The following HELZ variants were observed in gnomAD, a reference collection of about 807,000 sequenced individuals.
The protein encoded by HELZ is helicase with zinc finger.
HELZ carries 23 observed loss-of-function variants against 218.2 expected under a neutral mutation model. That is an observed-to-expected ratio of 0.11 (90% CI 0.08 to 0.15). The LOEUF (loss-of-function observed/expected upper bound fraction) is 0.15, where lower values mean the gene tolerates loss of function less well. Among genes scored for constraint, HELZ ranks in the 10% least tolerant of loss-of-function variants. HELZ has a pLI of 1.00. For missense variants in HELZ, 1,813 were observed against 2,353.7 expected, an observed-to-expected ratio of 0.77 and a Z score of 4.75; for synonymous variants, 814 against 829.4, an observed-to-expected ratio of 0.98 and a Z score of 0.32.
chr17:67,234,905 C>T (rs2041137123), intron 3 of HELZ, among the ~76,000 whole-genome samples: 2 of 152,082 alleles, frequency 1.3e-5, no homozygotes, highest in African/African-American at 4.8e-5. Context: ...TAAATGCCAC[C>T]TCTTCAGTGG....
At chr17:67,171,368 T>C (rs72838424) in intron 13 of HELZ, among the ~76,000 whole-genome samples, 21,996 of 152,094 alleles carry the variant, frequency 0.14, 1,791 homozygotes, top group East Asian at 0.19. Flanking sequence ...AATCTTCCCA[T>C]GTATTAACAA....
At chr17:67,236,118 C>G (rs1335760488) in intron 3 of HELZ, among the ~76,000 whole-genome samples, 1 of 152,146 alleles carries the variant, frequency 6.6e-6, no homozygotes, top group Non-Finnish European at 1.5e-5. Flanking sequence ...CCTTACCATT[C>G]AAAGCCTACA....
intron 3 of HELZ, among the ~76,000 whole-genome samples, chr17:67,222,591 G>A (rs114631009): frequency 6.6e-5 from 10 of 152,250 alleles, no homozygotes; most frequent in Non-Finnish European, 1.2e-4. Flanking sequence ...AATCACAGTA[G>A]GGTCACTTAG....
chr17:67,244,901 C>T (rs917101325), intron 1 of HELZ: 13 of 985,834 alleles, frequency 1.3e-5, no homozygotes, highest in Non-Finnish European at 1.6e-5. Flanking sequence ...CAGGACGCTG[C>T]GGGCCCCAGC....
rs57513241 is a variant in HELZ, at chr17:67,125,286, C to CTATA, written c.3388-1276_3388-1273dup. Among the ~76,000 whole-genome samples, 24 of 70,134 alleles carry CTATA rather than the reference C, an allele frequency of 3.4e-4. 2 individuals are homozygous for CTATA. The highest frequency in any genetic ancestry group is 4.7e-4 in the African/African-American group (6 of 12,792). 46.0% of individuals were successfully genotyped at this position (70,134 alleles called of 152,430 possible). A position where few individuals can be genotyped will look rare whatever the true frequency, so the allele number is the denominator to read the frequency against. The stretch of plus-strand genomic sequence containing the variant: ...GCATGTTCACAGTGATTGGCACCAA[C>CTATA]TATATATATATATATATATATATAT... On this transcript the variant is annotated intron_variant, in intron 24 of 32. Coordinates refer to ENST00000358691, the MANE Select transcript of HELZ (RefSeq NM_014877.4).
chr17:67,097,899 G>A (rs908313116), intron 31 of HELZ, among the ~76,000 whole-genome samples: 2 of 152,142 alleles, frequency 1.3e-5, no homozygotes, highest in African/African-American at 4.8e-5. Flanking sequence ...GCTGGAGAAT[G>A]TGTTTTATTC....
chr17:67,236,011 T>C (rs1021797497), intron 3 of HELZ, among the ~76,000 whole-genome samples: 23 of 152,194 alleles, frequency 1.5e-4, no homozygotes, highest in Non-Finnish European at 2.4e-4. Flanking sequence ...CCGCCCGCCT[T>C]GGCCTCCCAA....
At chr17:67,118,052 T>C (rs961060348) in intron 27 of HELZ, among the ~76,000 whole-genome samples, 2 of 152,038 alleles carry the variant, frequency 1.3e-5, no homozygotes, top group Admixed American at 6.6e-5. Flanking sequence ...CTAAAATACA[T>C]AGAAATGCAA....
At chr17:67,196,198 C>T (rs1464176639) in intron 7 of HELZ, among the ~76,000 whole-genome samples, 1 of 152,018 alleles carries the variant, frequency 6.6e-6, no homozygotes, top group Non-Finnish European at 1.5e-5. Context: ...CACTTTGGAG[C>T]CTGGGAGCAC....
At chr17:67,144,627 G>A (rs2038438088) in intron 21 of HELZ, among the ~76,000 whole-genome samples, 1 of 151,836 alleles carries the variant, frequency 6.6e-6, no homozygotes, top group Non-Finnish European at 1.5e-5. Flanking sequence ...TGAGTCTCTG[G>A]CAAACATCAA....
intron 23 of HELZ, among the ~76,000 whole-genome samples, chr17:67,133,050 T>C (rs1194811667): frequency 2.0e-5 from 3 of 152,132 alleles, no homozygotes; most frequent in Non-Finnish European, 2.9e-5. Flanking sequence ...AGCTTAAATA[T>C]CCATATGCCC....
intron 21 of HELZ, among the ~76,000 whole-genome samples, chr17:67,142,412 T>G (rs1370212706): frequency 2.0e-5 from 3 of 151,904 alleles, no homozygotes; most frequent in Non-Finnish European, 4.4e-5. Flanking sequence ...GAGGCTGAGG[T>G]GGGAAGATCA....
At chr17:67,189,439 G>GA (rs1478948380) in intron 11 of HELZ, 150 bp downstream of exon 11, 3 of 494,840 alleles carry the variant, frequency 6.1e-6, no homozygotes, top group Non-Finnish European at 1.1e-5. Context: ...TCAAAGTACA[G>GA]AAATATACTT....
chr17:67,082,814 C>A (rs890102424), intron 32 of HELZ, among the ~76,000 whole-genome samples: 3 of 146,390 alleles, frequency 2.0e-5, no homozygotes, highest in Non-Finnish European at 4.5e-5. Context: ...TAACCATGTT[C>A]TCAGTTTTAT....
rs557568082 is a variant in HELZ at position 67,143,425 on chromosome 17, T to C, written c.2769+2318A>G. Among the ~76,000 whole-genome samples, 11 of 152,100 alleles carry C rather than the reference T, an allele frequency of 7.2e-5. No homozygotes were observed. In the South Asian group the frequency reaches 1.9e-3, roughly 26 times the overall value. On this transcript the variant is annotated intron_variant, in intron 21 of 32. Coordinates refer to ENST00000358691, the MANE Select transcript of HELZ (RefSeq NM_014877.4). The stretch of plus-strand genomic sequence containing the variant: ...GAGTTCAAGACTAGCTTGGGCAACA[T>C]AGTAAGACCCCATCTCTACAAAATA...
intron 6 of HELZ, among the ~76,000 whole-genome samples, chr17:67,202,283 C>T (rs2040188487): frequency 6.6e-6 from 1 of 151,522 alleles, no homozygotes; most frequent in African/African-American, 2.4e-5. Context: ...ATTATCAAAT[C>T]CAAAGTTTCA....
intron 5 of HELZ, 33 bp downstream of exon 5, chr17:67,215,861 GTTCAA>G (rs764927482): frequency 2.4e-5 from 32 of 1,331,254 alleles, no homozygotes; most frequent in Non-Finnish European, 2.8e-5. Flanking sequence ...CTTAAACATT[GTTCAA>G]TTCAATAATT....
At chr17:67,243,042 A>C (rs2041368905) in intron 2 of HELZ, among the ~76,000 whole-genome samples, 1 of 152,200 alleles carries the variant, frequency 6.6e-6, no homozygotes, top group Admixed American at 6.5e-5. Context: ...AAAACTCGTG[A>C]AAAATGTAAA....
intron 17 of HELZ, among the ~76,000 whole-genome samples, chr17:67,153,543 C>G (rs1397655309): frequency 6.6e-6 from 1 of 152,226 alleles, no homozygotes; most frequent in African/African-American, 2.4e-5. Flanking sequence ...TGTTCTTCCC[C>G]TCTCTAAGCT....
Sources: allele counts gnomAD v4.1 joint callset (sites outside exome capture counted in the v4.1 genomes callset), GRCh38; gene constraint gnomAD v4.1.1; transcripts MANE v1.5; gene names NCBI Gene and HGNC (gene_info 2026-07-23, HGNC 2026-07-21).